ZDHHC14: variants seen among roughly 807,000 people sequenced by gnomAD.
ZDHHC14 encodes zDHHC palmitoyltransferase 14.
In ZDHHC14, 16 loss-of-function variants were observed where a neutral mutation model predicts 47.7. The observed-to-expected ratio is 0.34, with a 90% CI of 0.23 to 0.51. The LOEUF (loss-of-function observed/expected upper bound fraction) is 0.51, where lower values mean the gene tolerates loss of function less well. Ranked by LOEUF, ZDHHC14 falls within the 20% of genes least tolerant of loss-of-function variation. The probability of loss-of-function intolerance (pLI) is 0.97; values close to 1 mark genes in which losing one functional copy is unlikely to be tolerated. For synonymous variants in ZDHHC14, 293 were observed against 278.9 expected, an observed-to-expected ratio of 1.05 and a Z score of -0.50; for missense variants, 515 against 662.5, an observed-to-expected ratio of 0.78 and a Z score of 2.44.
At chr6:157,650,511 A>G (rs1030458218) in intron 7 of ZDHHC14, among the ~76,000 whole-genome samples, 4 of 151,980 alleles carry the variant, frequency 2.6e-5, no homozygotes, top group Admixed American at 6.5e-5. Context: ...AACAGGCTGG[A>G]CGCGATGGGA....
chr6:157,489,801 C>G (rs1299917534), intron 1 of ZDHHC14, among the ~76,000 whole-genome samples: 2 of 152,232 alleles, frequency 1.3e-5, no homozygotes, highest in African/African-American at 2.4e-5. Flanking sequence ...CAGGGTCTCA[C>G]TCTGTCACCC....
chr6:157,414,070 G>A (rs1419736430), intron 1 of ZDHHC14, among the ~76,000 whole-genome samples: 1 of 152,126 alleles, frequency 6.6e-6, no homozygotes, highest in East Asian at 1.9e-4. Flanking sequence ...CAGAGTAGCT[G>A]GGATTACAGG....
chr6:157,655,447 C>T (rs561875904), intron 8 of ZDHHC14, among the ~76,000 whole-genome samples: 21 of 152,336 alleles, frequency 1.4e-4, no homozygotes, highest in African/African-American at 4.3e-4. Context: ...TGCCTGCAAG[C>T]GCACAGGCAT....
At chr6:157,424,876 C>G (rs1778185241) in intron 1 of ZDHHC14, among the ~76,000 whole-genome samples, 1 of 152,058 alleles carries the variant, frequency 6.6e-6, no homozygotes, top group East Asian at 1.9e-4. Flanking sequence ...CAGCTGGGCC[C>G]AGCTTCTTCA....
At chr6:157,387,543 G>A (rs934751801) in intron 1 of ZDHHC14, among the ~76,000 whole-genome samples, 4 of 152,158 alleles carry the variant, frequency 2.6e-5, no homozygotes, top group Non-Finnish European at 5.9e-5. Context: ...GGTTGATACA[G>A]ACAATACGTG....
At chr6:157,491,963 C>G (rs1285109347) in intron 1 of ZDHHC14, among the ~76,000 whole-genome samples, 1 of 152,184 alleles carries the variant, frequency 6.6e-6, no homozygotes, top group African/African-American at 2.4e-5. Context: ...GTTGAGTAAC[C>G]GCGCCACTTC....
At chr6:157,542,537 ATTTCC>A in intron 1 of ZDHHC14, 43 bp from the exon 2 acceptor site, 1 of 1,590,496 alleles carries the variant, frequency 6.3e-7, no homozygotes, top group Non-Finnish European at 8.6e-7. Flanking sequence ...CTAACATTGT[ATTTCC>A]TTTCTTTTCC....
At chr6:157,593,468 C>T (rs1783998950) in intron 3 of ZDHHC14, among the ~76,000 whole-genome samples, 1 of 152,172 alleles carries the variant, frequency 6.6e-6, no homozygotes, top group Non-Finnish European at 1.5e-5. Flanking sequence ...CAGGTCTGGC[C>T]ACACACCTAC....
In ZDHHC14 at chr6:157,625,071, T is replaced by C. The variant is rs138348969; in HGVS notation, c.566-3278T>C. Among the ~76,000 whole-genome samples, 610 of 152,272 alleles carry C rather than the reference T, an allele frequency of 4.0e-3. 5 individuals are homozygous for C. Among genetic ancestry groups the C allele is most frequent in the African/African-American group, 0.014 (589 of 41,552 alleles). On this transcript the variant is annotated intron_variant, in intron 3 of 8. Coordinates refer to ENST00000359775, the MANE Select transcript of ZDHHC14 (RefSeq NM_024630.3). ...CAATAACAGCATTAATCCTAAGCCA[T>C]TCATGAGAGCAGAGCCCTCATGACC...
At chr6:157,604,850 A>G (rs1433601976) in intron 3 of ZDHHC14, among the ~76,000 whole-genome samples, 2 of 152,180 alleles carry the variant, frequency 1.3e-5, no homozygotes, top group Non-Finnish European at 2.9e-5. Flanking sequence ...AGCCCTACAC[A>G]GTGCCTTGCT....
At chr6:157,525,660 G>T (rs1442973276) in intron 1 of ZDHHC14, among the ~76,000 whole-genome samples, 1 of 152,184 alleles carries the variant, frequency 6.6e-6, no homozygotes, top group African/African-American at 2.4e-5. Context: ...GTGAAAACCA[G>T]GAGGAGGGAT....
chr6:157,672,362 C>G (rs1778835648), intron 8 of ZDHHC14, among the ~76,000 whole-genome samples: 1 of 152,184 alleles, frequency 6.6e-6, no homozygotes, highest in African/African-American at 2.4e-5. Flanking sequence ...TTTCAGCATA[C>G]AAGAAACAGC....
intron 5 of ZDHHC14, among the ~76,000 whole-genome samples, chr6:157,641,722 C>T (rs979899389): frequency 2.6e-5 from 4 of 152,154 alleles, no homozygotes; most frequent in African/African-American, 9.7e-5. Context: ...TACGTGGCTC[C>T]TCGGTTTGTG....
chr6:157,662,476 C>T (rs1165712058), intron 8 of ZDHHC14, among the ~76,000 whole-genome samples: 1 of 152,274 alleles, frequency 6.6e-6, no homozygotes, highest in African/African-American at 2.4e-5. Context: ...GCCCCCGCGC[C>T]CAGCCTGGAG....
intron 2 of ZDHHC14, among the ~76,000 whole-genome samples, chr6:157,544,264 G>A (rs1781879625): frequency 6.6e-6 from 1 of 152,240 alleles, no homozygotes; most frequent in African/African-American, 2.4e-5. Context: ...TGGGGGTGAT[G>A]CAGTTTCCTG....
At chr6:157,542,801 C>T in intron 2 of ZDHHC14, 56 bp downstream of exon 2, 1 of 1,583,514 alleles carries the variant, frequency 6.3e-7, no homozygotes, top group Non-Finnish European at 8.6e-7. Context: ...GGCCCAGCTA[C>T]AGTGGGGACG....
chr6:157,565,492 G>C (rs781004623), intron 2 of ZDHHC14, among the ~76,000 whole-genome samples: 1 of 152,124 alleles, frequency 6.6e-6, no homozygotes, highest in Non-Finnish European at 1.5e-5. Context: ...ATATTGAAGA[G>C]CCCAAACCAA....
chr6:157,441,492 CAT>C (rs1404632081), intron 1 of ZDHHC14, among the ~76,000 whole-genome samples: 5 of 152,160 alleles, frequency 3.3e-5, no homozygotes, highest in Non-Finnish European at 7.3e-5. Flanking sequence ...CTGACAAGCA[CAT>C]GTGCAAATCT....
At chr6:157,409,880 G>A (rs1462687506) in intron 1 of ZDHHC14, among the ~76,000 whole-genome samples, 1 of 151,950 alleles carries the variant, frequency 6.6e-6, no homozygotes, top group Non-Finnish European at 1.5e-5. Context: ...CCAGACTGGA[G>A]TGCAGTGGCG....
Sources: gnomAD v4.1 joint callset for allele counts (sites outside exome capture counted in the v4.1 genomes callset) on GRCh38, gnomAD v4.1.1 for gene constraint, MANE v1.5 for transcripts, NCBI Gene and HGNC (gene_info 2026-07-23, HGNC 2026-07-21) for gene names.